The following SIN3A variants were observed in gnomAD, a reference collection of about 807,000 sequenced individuals.
SIN3A encodes paired amphipathic helix protein Sin3a.
A neutral mutation model predicts 146.1 loss-of-function variants in SIN3A; 14 were observed. The ratio of observed to expected loss-of-function variants is 0.10; its 90% CI spans 0.06 to 0.15. The LOEUF (loss-of-function observed/expected upper bound fraction) is 0.15. Among genes scored for constraint, SIN3A ranks in the 10% least tolerant of loss-of-function variants. The pLI, the probability that SIN3A is intolerant of heterozygous loss-of-function variation, is 1.00. For synonymous variants in SIN3A, 572 were observed against 572.0 expected (o/e 1.00, Z 0.00); for missense variants, 1,028 against 1,576.0 (o/e 0.65, Z 5.89).
intron 2 of SIN3A, among the ~76,000 whole-genome samples, chr15:75,427,203 T>C (rs1041498635): frequency 1.3e-5 from 2 of 150,304 alleles, no homozygotes; most frequent in Non-Finnish European, 2.9e-5. Context: ...CAAAACCCTG[T>C]CTCTACTAAA....
intron 16 of SIN3A, among the ~76,000 whole-genome samples, chr15:75,387,168 TGAGGAGAATGA>T (rs1326757879): frequency 1.3e-5 from 2 of 152,008 alleles, no homozygotes; most frequent in Admixed American, 6.6e-5. Context: ...ACACCAAATA[TGAGGAGAATGA>T]GAGAAGAGAT....
At chr15:75,407,027 T>C in intron 9 of SIN3A, 28 bp downstream of exon 9, 1 of 1,501,590 alleles carries the variant, frequency 6.7e-7, no homozygotes, top group East Asian at 2.3e-5. Context: ...TAACAGGCAC[T>C]ATCAAATCTA....
At chr15:75,403,208 A>G (rs1485693187) in intron 9 of SIN3A, among the ~76,000 whole-genome samples, 1 of 151,708 alleles carries the variant, frequency 6.6e-6, no homozygotes, top group Non-Finnish European at 1.5e-5. Flanking sequence ...GGATCACCTG[A>G]GATCGGGAGT....
chr15:75,405,476 C>G (rs1489252360), intron 9 of SIN3A, among the ~76,000 whole-genome samples: 2 of 151,672 alleles, frequency 1.3e-5, no homozygotes, highest in Admixed American at 6.6e-5. Flanking sequence ...GGCTATTGGC[C>G]AGGTGTGGTG....
upstream of SIN3A, chr15:75,453,998 G>T (rs763744021): frequency 6.6e-6 from 1 of 152,254 alleles, no homozygotes; most frequent in Non-Finnish European, 1.5e-5. Flanking sequence ...CCTCACACAT[G>T]TGCGGAGCGC....
chr15:75,413,754 T>C (rs971116325), intron 4 of SIN3A, among the ~76,000 whole-genome samples: 2 of 152,162 alleles, frequency 1.3e-5, no homozygotes, highest in Non-Finnish European at 2.9e-5. Context: ...ATGTTCATTG[T>C]AATAATTCTA....
intron 6 of SIN3A, 112 bp from the exon 7 acceptor site, chr15:75,410,398 T>C (rs1314209083): frequency 1.0e-5 from 11 of 1,088,708 alleles, no homozygotes; most frequent in Non-Finnish European, 1.4e-5. Context: ...AAGAAGAAAG[T>C]CTATGTTCTT....
intron 13 of SIN3A, 89 bp from the exon 14 acceptor site, chr15:75,394,952 A>G: frequency 8.0e-7 from 1 of 1,256,550 alleles, no homozygotes; most frequent in Non-Finnish European, 1.1e-6. Flanking sequence ...TAGTTAAAGA[A>G]AGGTGCAAAG....
chr15:75,452,445 T>A (rs1433095278), upstream of SIN3A, among the ~76,000 whole-genome samples: 1 of 152,154 alleles, frequency 6.6e-6, no homozygotes, highest in Non-Finnish European at 1.5e-5. Flanking sequence ...ACAAAAAAAA[T>A]GAGAGAATGA....
intron 9 of SIN3A, among the ~76,000 whole-genome samples, chr15:75,406,744 C>CT (rs1197278009): frequency 6.6e-6 from 1 of 152,144 alleles, no homozygotes; most frequent in Non-Finnish European, 1.5e-5. Context: ...GGCACTGGTA[C>CT]TGCCTGCCAC....
chr15:75,391,746 AT>A (rs2073206675), intron 15 of SIN3A, among the ~76,000 whole-genome samples: 1 of 152,180 alleles, frequency 6.6e-6, no homozygotes, highest in Non-Finnish European at 1.5e-5. Flanking sequence ...CATGTCTCAT[AT>A]CACCTTTTGA....
chr15:75,375,339 G>A (rs1239971264), intron 20 of SIN3A, among the ~76,000 whole-genome samples: 2 of 152,124 alleles, frequency 1.3e-5, no homozygotes, highest in Non-Finnish European at 2.9e-5. Context: ...GGATCTACAA[G>A]CCCAGGAATG....
rs1405260886 is a variant in SIN3A, at chr15:75,383,589, C to A, written c.3195+675G>T. On this transcript the variant is annotated intron_variant, in intron 17 of 20. Transcript: ENST00000394947. ...TGTCTCCCAGGCTGGAGTGCAGTGG[C>A]GCGATCTCAGCTTACTGCAAGCTCC... Among the ~76,000 whole-genome samples, 3 of 150,690 alleles carry A rather than the reference C, an allele frequency of 2.0e-5. No homozygotes were observed. The East Asian group carries it at 5.9e-4, about 30-fold the overall frequency.
Position 75,370,213 on chromosome 15 carries a change from G to C in SIN3A, c.*1766C>G, listed in dbSNP as rs891827991. On this transcript the variant is annotated 3_prime_UTR_variant, in exon 21 of 21. Transcript: ENST00000394947. Reference sequence around the variant, plus strand: ...TGATCGTGGCACTGCACTCCAGTGTGGGTCATAAAGCGAGACACTGTCTTT... The same window carrying C: ...TGATCGTGGCACTGCACTCCAGTGTCGGTCATAAAGCGAGACACTGTCTTT... 1 of 152,238 alleles carries C rather than the reference G, an allele frequency of 6.6e-6. No individual in the cohort carries two copies. Among genetic ancestry groups the C allele is most frequent in the Admixed American group, 6.5e-5 (1 of 15,282 alleles). The allele number at this position is 152,238 out of a possible 1,614,324, so 9.4% of individuals were successfully genotyped here. A position where few individuals can be genotyped will look rare whatever the true frequency, so the allele number is the denominator to read the frequency against.
chr15:75,444,149 G>A (rs1361588293), intron 1 of SIN3A, among the ~76,000 whole-genome samples: 2 of 152,176 alleles, frequency 1.3e-5, no homozygotes, highest in African/African-American at 4.8e-5. Context: ...TAGCTAAAAT[G>A]AGTTTATTCC....
intron 9 of SIN3A, among the ~76,000 whole-genome samples, chr15:75,402,992 G>A (rs1433107504): frequency 6.6e-6 from 1 of 152,088 alleles, no homozygotes; most frequent in African/African-American, 2.4e-5. Context: ...GATGAAATAA[G>A]GTATCTGCGA....
In SIN3A at chr15:75,375,861, C is replaced by T. The variant is rs556160377; in HGVS notation, c.3395G>A (p.Arg1132Gln). The change falls in exon 20 of 21, where the codon CGG becomes CAG. Residue 1132 changes from arginine to glutamine, a missense_variant. Around this residue, in one of 9 missense-constraint regions of SIN3A, gnomAD observed 488 missense variants for 690.2 expected, o/e 0.71. Coordinates refer to ENST00000394947, the MANE Select transcript of SIN3A (RefSeq NM_001145358.2). The stretch of plus-strand genomic sequence containing the variant: ...TCGACCACGTTGACACTTCCGGATC[C>T]GCCGTAGATTCCTATTGCAGAAAAG... Reference protein sequence around the residue: ...KPVFLPRNLRRIRKCQRGREQ... With the variant: ...KPVFLPRNLRQIRKCQRGREQ... 1.8e-5 allele frequency: 29 copies of T among 1,614,016 alleles called. No individual in the cohort carries two copies. The South Asian group carries it at 2.0e-4, about 11-fold the overall frequency.
chr15:75,406,405 C>G lies in SIN3A; in HGVS notation c.1407+650G>C, dbSNP rs945706916. The stretch of plus-strand genomic sequence containing the variant: ...TCACAGCAATAAGATTACAAGTCAT[C>G]GGCCAGGCGCGGTGGCTCACGCCTG... On this transcript the variant is annotated intron_variant, in intron 9 of 20. Transcript: ENST00000394947. Among the ~76,000 whole-genome samples, 72 of 152,138 alleles carry G rather than the reference C, an allele frequency of 4.7e-4. 4 individuals carry two copies. Among genetic ancestry groups the G allele is most frequent in the Non-Finnish European group, 1.2e-4 (8 of 68,026 alleles).
intron 2 of SIN3A, among the ~76,000 whole-genome samples, chr15:75,427,065 C>T (rs1458167744): frequency 6.6e-6 from 1 of 151,998 alleles, no homozygotes; most frequent in East Asian, 1.9e-4. Flanking sequence ...ATTTTATATC[C>T]TTTTTTTAAA....
Sources: gnomAD v4.1 joint callset for allele counts (sites outside exome capture counted in the v4.1 genomes callset) on GRCh38, gnomAD v4.1.1 for gene constraint, gnomAD v4.1.1 regional missense constraint, MANE v1.5 for transcripts, NCBI Gene and HGNC (gene_info 2026-07-23, HGNC 2026-07-21) for gene names.